The following ECEL1 variants were observed in gnomAD, a reference collection of about 807,000 sequenced individuals.
The protein encoded by ECEL1 is endothelin-converting enzyme-like 1.
ECEL1 carries 87 observed loss-of-function variants against 101.8 expected under a neutral mutation model. The observed-to-expected ratio is 0.85, with a 90% CI of 0.72 to 1.02. The LOEUF is 1.02. Among genes scored for constraint, ECEL1 ranks in the 50% least tolerant of loss-of-function variants. ECEL1 has a pLI of 0.00. For missense variants in ECEL1, 1,032 were observed against 1,079.2 expected, an observed-to-expected ratio of 0.96 and a Z score of 0.61; for synonymous variants, 487 against 468.7, an observed-to-expected ratio of 1.04 and a Z score of -0.50.
At chr2:232,480,315 G>A in intron 17 of ECEL1, 63 bp from the exon 18 acceptor site, 4 of 1,612,252 alleles carry the variant, frequency 2.5e-6, no homozygotes, top group East Asian at 2.2e-5. Flanking sequence ...CAGCAACCAG[G>A]GGTGACTTTT....
chr2:232,481,630 CCT>C lies in ECEL1; in HGVS notation c.1865-2_1865-1del. On this transcript the variant is annotated splice_acceptor_variant, in intron 13 of 17. Transcript: ENST00000304546. LOFTEE classifies it high-confidence loss of function. Reference sequence around the variant, plus strand: ...GTTCCCTGAGCGGTCATACTGGCCCCCTGTGGGCAGTGCAGCAGGCTGAGACC... The same window carrying C: ...GTTCCCTGAGCGGTCATACTGGCCCCGTGGGCAGTGCAGCAGGCTGAGACC... 1 of 1,613,612 alleles carries C rather than the reference CCT, an allele frequency of 6.2e-7. No individual in the cohort carries two copies.
In ECEL1 at chr2:232,486,055, G is replaced by T; in HGVS notation, c.599C>A (p.Pro200His). ...GCAGTCCTCGATGACCTCTAGCATGGGTCGCGGGCCCAGTCGCTCGATCTC... is the reference window on the plus strand; with the variant it reads ...GCAGTCCTCGATGACCTCTAGCATGTGTCGCGGGCCCAGTCGCTCGATCTC... ...MREIERLGPR[P>H]MLEVIEDCGG... The change falls in exon 2 of 18, where the codon CCC (proline) becomes CAC (histidine). Residue 200 changes from proline to histidine, a missense_variant. By Grantham distance (77) the Pro-to-His change is moderately conservative (BLOSUM62 -2). Coordinates refer to ENST00000304546, the MANE Select transcript of ECEL1 (RefSeq NM_004826.4). 1 of 1,607,858 alleles carries T rather than the reference G, an allele frequency of 6.2e-7. No homozygotes were observed. Among genetic ancestry groups the T allele is most frequent in the Non-Finnish European group, 8.5e-7 (1 of 1,178,130 alleles).
intron 7 of ECEL1, 79 bp from the exon 8 acceptor site, chr2:232,483,593 C>G (rs192087169): frequency 1.7e-6 from 2 of 1,200,006 alleles, no homozygotes; most frequent in Admixed American, 2.5e-5. Context: ...GTACCCCTGC[C>G]TTTAAGCACC....
rs1438421411 is a variant in ECEL1 at position 232,485,852 on chromosome 2, C to T, written c.786+16G>A. 5.8e-6 allele frequency: 9 copies of T among 1,543,378 alleles called. No individual in the cohort carries two copies. Among genetic ancestry groups the T allele is most frequent in the Non-Finnish European group, 7.8e-6 (9 of 1,149,018 alleles). ...GATCCGCGGCCGCTGGCAGGGCGCT[C>T]AGGGGGCGCACTCACGCGGATGACG... On this transcript the variant is annotated intron_variant, in intron 2 of 17. Transcript: ENST00000304546.
In ECEL1 at chr2:232,481,869, A is replaced by G; in HGVS notation, c.1797-20T>C. On this transcript the variant is annotated intron_variant, in intron 12 of 17. Transcript: ENST00000304546. ...AGAGACCTGGGCCCACAGCAGCAGC[A>G]TCAGGCCCTAGCCCTCCACCCTCTG... 6.2e-7 allele frequency: 1 copy of G among 1,613,708 alleles called. No individual in the cohort carries two copies. The highest frequency in any genetic ancestry group is 8.5e-7 in the Non-Finnish European group (1 of 1,179,918).
chr2:232,485,933 C>A lies in ECEL1; in HGVS notation c.721G>T (p.Ala241Ser). 1 of 1,577,954 alleles carries A rather than the reference C, an allele frequency of 6.3e-7. No homozygotes were observed. Among genetic ancestry groups the A allele is most frequent in the Non-Finnish European group, 8.6e-7 (1 of 1,164,376 alleles). ...ACCGTGAGCGAGAAGAGCGCGGCGG[C>A]GCTGTACACGCCCTGCGCCTTGTAC... ...LLYKAQGVYS[A>S]AALFSLTVSL... Residue 241 changes from alanine (A) to serine (S), a missense_variant, in exon 2 of 18, where the codon GCC becomes TCC. By Grantham distance (99) the Ala-to-Ser change is moderately conservative. Coordinates refer to ENST00000304546, the MANE Select transcript of ECEL1 (RefSeq NM_004826.4).
Position 232,486,222 on chromosome 2 carries a change from C to T in ECEL1, c.432G>A (p.Lys144=). ...WLRRHAIPDD[K]LTYGTIAAIG... is the part of the protein sequence containing the mutation. The stretch of plus-strand genomic sequence containing the variant: ...TGGCCGCGATGGTGCCATAGGTGAG[C>T]TTGTCGTCGGGGATGGCGTGGCGCC... The change falls in exon 2 of 18, where the codon AAG becomes AAA. Residue 144 remains lysine (K), a synonymous_variant. Transcript: ENST00000304546. 2 of 1,601,412 alleles carry T rather than the reference C, an allele frequency of 1.2e-6. No individual in the cohort carries two copies. Among genetic ancestry groups the T allele is most frequent in the East Asian group, 2.2e-5 (1 of 44,504 alleles).
chr2:232,481,733 C>T (rs1385228140), intron 13 of ECEL1, 49 bp downstream of exon 13: 6 of 1,610,922 alleles, frequency 3.7e-6, no homozygotes, highest in East Asian at 2.2e-5. Context: ...CTCTCCACTG[C>T]CTGTCCTGCC....
chr2:232,486,754 G>C lies in ECEL1; in HGVS notation c.-101C>G. The C allele has an allele frequency of 8.2e-7, 1 of 1,222,924 alleles. No homozygotes were observed. Among genetic ancestry groups the C allele is most frequent in the Non-Finnish European group, 1.0e-6 (1 of 963,096 alleles). 75.8% of individuals were successfully genotyped at this position (1,222,924 alleles called of 1,614,324 possible). A position where few individuals can be genotyped will look rare whatever the true frequency, so the allele number is the denominator to read the frequency against. ...GCCTCCGCATGGCCCTGGGGCCGCA[G>C]CTGCGGGAAGGGCGGAAGCAGGCTC... On this transcript the variant is annotated splice_region_variant and 5_prime_UTR_variant, in exon 2 of 18. Coordinates refer to ENST00000304546, the MANE Select transcript of ECEL1 (RefSeq NM_004826.4).
At chr2:232,482,261 G>C (rs1371467717) in intron 12 of ECEL1, among the ~76,000 whole-genome samples, 157 bp downstream of exon 12, 1 of 152,170 alleles carries the variant, frequency 6.6e-6, no homozygotes, top group Non-Finnish European at 1.5e-5. Context: ...AATAACCAAG[G>C]ATGTAGTGGG....
chr2:232,480,559 C>T (rs998484822), intron 16 of ECEL1, 84 bp from the exon 17 acceptor site: 62 of 1,561,112 alleles, frequency 4.0e-5, no homozygotes, highest in East Asian at 1.8e-4. Flanking sequence ...GCACACAAGG[C>T]GGTAGGCCCC....
At chr2:232,485,311 A>T (rs1399014029) in intron 2 of ECEL1, 44 bp from the exon 3 acceptor site, 2 of 1,601,030 alleles carry the variant, frequency 1.2e-6, no homozygotes, top group Non-Finnish European at 1.7e-6. Flanking sequence ...CCCACACCTC[A>T]GGTTCCCTAA....
At chr2:232,485,579 T>G (rs1217232150) in intron 2 of ECEL1, among the ~76,000 whole-genome samples, 1 of 152,154 alleles carries the variant, frequency 6.6e-6, no homozygotes, top group Non-Finnish European at 1.5e-5. Context: ...CGCGGAGACG[T>G]CAACCCAGCC....
Position 232,481,157 on chromosome 2 carries a change from C to G in ECEL1, c.1990-1G>C. ...CCCCAAGCGTGTGTTTCCCGTTCAC[C>G]TGCCGGGAAGGGAAGAGGCCAGGGG... is the stretch of plus-strand genomic sequence containing the variant. On this transcript the variant is annotated splice_acceptor_variant, in intron 14 of 17. Transcript: ENST00000304546. LOFTEE classifies it high-confidence loss of function. 6.4e-7 allele frequency: 1 copy of G among 1,562,774 alleles called. No individual in the cohort carries two copies. The highest frequency in any genetic ancestry group is 8.7e-7 in the Non-Finnish European group (1 of 1,153,446).
chr2:232,482,889 G>C lies in ECEL1; in HGVS notation c.1647C>G (p.Leu549=), dbSNP rs146083116. 5.0e-6 allele frequency: 8 copies of C among 1,614,074 alleles called. No individual in the cohort carries two copies. The highest frequency in any genetic ancestry group is 2.7e-5 in the African/African-American group (2 of 74,948). Residue 549 remains leucine (L), a synonymous_variant, in exon 10 of 18, where the codon CTC becomes CTG. Transcript: ENST00000304546. ...CCTCCTGCCGAATCTTCTTAACTGAGAGCTGGATGCTGAAGCGGATGCTGT... is the reference window on the plus strand; with the variant it reads ...CCTCCTGCCGAATCTTCTTAACTGACAGCTGGATGCTGAAGCGGATGCTGT... The part of the protein sequence containing the change: ...ILNSIRFSIQ[L]SVKKIRQEVD...
chr2:232,484,485 A>C lies in ECEL1; in HGVS notation c.1171T>G (p.Ser391Ala). ...CTGCAGCCATACCGGTGGGGTGTGG[A>C]GCGGATGAGCTGCGACACCTGCTGC... Reference protein sequence around the residue: ...YMQQVSQLIRSTPHRVLHNYL... With the variant: ...YMQQVSQLIRATPHRVLHNYL... Residue 391 changes from serine (S) to alanine (A), a missense_variant, in exon 6 of 18, where the codon TCC becomes GCC. Physicochemically the swap from Ser to Ala is moderately conservative, Grantham distance 99. Transcript: ENST00000304546. 1 of 1,613,894 alleles carries C rather than the reference A, an allele frequency of 6.2e-7. No individual in the cohort carries two copies. The highest frequency in any genetic ancestry group is 8.5e-7 in the Non-Finnish European group (1 of 1,180,008).
At position 232,482,446 on chromosome 2, in the gene ECEL1, G is replaced by T. The variant is rs1272301332; in HGVS notation, c.1768C>A (p.Pro590Thr). The change falls in exon 12 of 18, where the codon CCC becomes ACC. Residue 590 changes from proline (P) to threonine (T), a missense_variant. Coordinates refer to ENST00000304546, the MANE Select transcript of ECEL1 (RefSeq NM_004826.4). ...GGGAAGTCAGGGTCGTACAGGGTGGGCTGCAGGATGCCCGCGGGGAACACT... is the reference window on the plus strand; with the variant it reads ...GGGAAGTCAGGGTCGTACAGGGTGGTCTGCAGGATGCCCGCGGGGAACACT... ...QMVFPAGILQ[P>T]TLYDPDFPQS... The T allele has an allele frequency of 1.9e-6, 3 of 1,613,876 alleles. No homozygotes were observed. The highest frequency in any genetic ancestry group is 2.5e-6 in the Non-Finnish European group (3 of 1,180,032).
At position 232,486,673 on chromosome 2, in the gene ECEL1, T is replaced by A; in HGVS notation, c.-20A>T. ...CTCCATGGCGCCGAGGCCGCCGCGG[T>A]GCAGACCTGGGCCACCTGGGCTACG... On this transcript the variant is annotated 5_prime_UTR_variant, in exon 2 of 18. Coordinates refer to ENST00000304546, the MANE Select transcript of ECEL1 (RefSeq NM_004826.4). The A allele has an allele frequency of 6.7e-7, 1 of 1,498,344 alleles. No homozygotes were observed. The allele number at this position is 1,498,344 out of a possible 1,614,324, so 92.8% of individuals were successfully genotyped here. A position where few individuals can be genotyped will look rare whatever the true frequency, so the allele number is the denominator to read the frequency against.
rs745649135 is a variant in ECEL1 at position 232,480,856 on chromosome 2, T to C, written c.2056-43A>G. 1.8e-5 allele frequency: 28 copies of C among 1,559,392 alleles called. 1 individual carries two copies. The South Asian group carries it at 3.1e-4, about 17-fold the overall frequency. ...ATGGACCTGCTATGCCCGCCCACCC[T>C]GGGCACCGCTTCTTCTCTGTCCTCC... On this transcript the variant is annotated intron_variant, in intron 15 of 17. Coordinates refer to ENST00000304546, the MANE Select transcript of ECEL1 (RefSeq NM_004826.4).
Sources: gnomAD v4.1 joint callset for allele counts (sites outside exome capture counted in the v4.1 genomes callset) on GRCh38, gnomAD v4.1.1 for gene constraint, MANE v1.5 for transcripts, NCBI Gene and HGNC (gene_info 2026-07-23, HGNC 2026-07-21) for gene names.